USP48: variants seen among roughly 807,000 people sequenced by gnomAD.
USP48 encodes ubiquitin carboxyl-terminal hydrolase 48.
A neutral mutation model predicts 150.7 loss-of-function variants in USP48; 43 were observed. The ratio of observed to expected loss-of-function variants is 0.29; its 90% CI spans 0.22 to 0.37. The LOEUF (loss-of-function observed/expected upper bound fraction) is 0.37. Among genes scored for constraint, USP48 ranks in the 10% least tolerant of loss-of-function variants. USP48 has a pLI of 1.00. For synonymous variants in USP48, 396 were observed against 425.9 expected, an observed-to-expected ratio of 0.93 and a Z score of 0.86; for missense variants, 813 against 1,249.6, an observed-to-expected ratio of 0.65 and a Z score of 5.27.
intron 1 of USP48, among the ~76,000 whole-genome samples, chr1:21,760,152 G>A (rs2097846550): frequency 6.6e-6 from 1 of 151,904 alleles, no homozygotes; most frequent in Non-Finnish European, 1.5e-5. Flanking sequence ...CCAACTCAAG[G>A]GACTTTATAC....
Position 21,679,359 on chromosome 1 carries a change from C to T in USP48, c.*58G>A. The T allele has an allele frequency of 6.2e-7, 1 of 1,608,204 alleles. No homozygotes were observed. The highest frequency in any genetic ancestry group is 8.5e-7 in the Non-Finnish European group (1 of 1,174,606). On this transcript the variant is annotated 3_prime_UTR_variant, in exon 27 of 27. Transcript: ENST00000308271. Reference sequence around the variant, plus strand: ...ATCCACCTTTGCTTTAATGCCCTAACATGTCAAACTCCTCTTCCCCTCTGG... The same window carrying T: ...ATCCACCTTTGCTTTAATGCCCTAATATGTCAAACTCCTCTTCCCCTCTGG...
intron 6 of USP48, among the ~76,000 whole-genome samples, chr1:21,749,840 T>C (rs192321258): frequency 2.0e-5 from 3 of 152,296 alleles, no homozygotes; most frequent in Admixed American, 6.5e-5. Context: ...TGTTCTCAAA[T>C]GATCCTACTG....
chr1:21,708,290 G>A (rs2097679000), intron 15 of USP48, among the ~76,000 whole-genome samples: 1 of 152,192 alleles, frequency 6.6e-6, no homozygotes, highest in Admixed American at 6.5e-5. Context: ...CACGAGGTCA[G>A]GAGTTTGAAA....
At chr1:21,729,281 CA>C (rs57704127) in intron 10 of USP48, among the ~76,000 whole-genome samples, 235 of 90,352 alleles carry the variant, frequency 2.6e-3, no homozygotes, top group African/African-American at 2.5e-3. Flanking sequence ...GACTCCGCCT[CA>C]AAAAAAAAAA....
chr1:21,760,479 G>A (rs986972550), intron 1 of USP48, among the ~76,000 whole-genome samples: 3 of 152,052 alleles, frequency 2.0e-5, no homozygotes, highest in African/African-American at 7.2e-5. Context: ...ATTTTGGGAG[G>A]CCCAGGTGGG....
rs577692619 is a variant in USP48, at chr1:21,683,152, T to G, written c.3059-2318A>C. ...GTTGCATGCCTATAGTCCCAGCTAC[T>G]ACTCAGGAGGCTGAGCCAGGAGAAT... is the stretch of plus-strand genomic sequence containing the variant. On this transcript the variant is annotated intron_variant, in intron 25 of 26. Coordinates refer to ENST00000308271, the MANE Select transcript of USP48 (RefSeq NM_032236.8). Among the ~76,000 whole-genome samples the G allele has an allele frequency of 2.6e-5, 4 of 152,212 alleles. No individual in the cohort carries two copies. In the East Asian group the frequency reaches 7.7e-4, roughly 29 times the overall value.
At chr1:21,757,557 C>G in intron 2 of USP48, 106 bp downstream of exon 2, 4 of 1,278,324 alleles carry the variant, frequency 3.1e-6, no homozygotes, top group Non-Finnish European at 4.2e-6. Flanking sequence ...TAAAGCTGCA[C>G]AGGTTACCTG....
chr1:21,769,129 A>G (rs1233564318), intron 1 of USP48, among the ~76,000 whole-genome samples: 4 of 152,206 alleles, frequency 2.6e-5, no homozygotes, highest in Admixed American at 2.0e-4. Flanking sequence ...CTACTTTGCT[A>G]AAGTCATAGA....
At chr1:21,738,598 T>C (rs1452592198) in intron 8 of USP48, among the ~76,000 whole-genome samples, 1 of 151,474 alleles carries the variant, frequency 6.6e-6, no homozygotes, top group East Asian at 1.9e-4. Flanking sequence ...CCTCAAGTGG[T>C]CCATCTGCCT....
chr1:21,740,359 G>T (rs1387919968), intron 8 of USP48, among the ~76,000 whole-genome samples: 3 of 152,152 alleles, frequency 2.0e-5, no homozygotes, highest in African/African-American at 7.2e-5. Flanking sequence ...TTTGAAACTA[G>T]AATTCTTTGG....
At chr1:21,750,580 A>G (rs2097808231) in intron 6 of USP48, among the ~76,000 whole-genome samples, 1 of 152,138 alleles carries the variant, frequency 6.6e-6, no homozygotes, top group African/African-American at 2.4e-5. Flanking sequence ...AGCATTCAAT[A>G]AATATTCATT....
rs1203231863 is a variant in USP48, at chr1:21,753,118, A to G, written c.414T>C (p.Asp138=). ...MLGDGIQEEK[D]YEPQTICEHL... ...GCTCACAAATTGTTTGAGGCTCATA[A>G]TCTATTAAAACAAAAATATAGATTT... Residue 138 remains aspartate (D), a splice_region_variant and synonymous_variant, in exon 4 of 27, where the codon GAT becomes GAC. Coordinates refer to ENST00000308271, the MANE Select transcript of USP48 (RefSeq NM_032236.8). 6 of 1,594,252 alleles carry G rather than the reference A, an allele frequency of 3.8e-6. No individual in the cohort carries two copies. Among genetic ancestry groups the G allele is most frequent in the Non-Finnish European group, 5.1e-6 (6 of 1,175,186 alleles).
intron 1 of USP48, among the ~76,000 whole-genome samples, chr1:21,770,380 A>C (rs1212855180): frequency 6.6e-6 from 1 of 152,094 alleles, no homozygotes; most frequent in Non-Finnish European, 1.5e-5. Flanking sequence ...GTAGTAGAAA[A>C]ATGGAAGATA....
At chr1:21,691,577 G>A (rs1340087911) in intron 23 of USP48, among the ~76,000 whole-genome samples, 1 of 152,216 alleles carries the variant, frequency 6.6e-6, no homozygotes, top group African/African-American at 2.4e-5. Flanking sequence ...AGAAGTTGCA[G>A]TAAGCCGAGA....
chr1:21,744,360 T>C (rs891123437), intron 8 of USP48, among the ~76,000 whole-genome samples: 11 of 151,620 alleles, frequency 7.3e-5, no homozygotes, highest in South Asian at 4.2e-4. Context: ...GCAGAGAGAA[T>C]TGCTTGAACC....
chr1:21,752,971 A>G, intron 4 of USP48, 21 bp downstream of exon 4: 4 of 1,576,822 alleles, frequency 2.5e-6, no homozygotes, highest in Non-Finnish European at 3.4e-6. Context: ...ATTTAAAAAA[A>G]AAAAAAAATT....
rs1276884440 is a variant in USP48 at position 21,687,226 on chromosome 1, A to G, written c.3023T>C (p.Ile1008Thr). ...SVILLKADEP[I>T]ADYAAMDDVM... ...ATCATCCATTGCAGCATAATCTGCA[A>G]TTGGTTCATCAGCCTAGAAAACAAA... The change falls in exon 25 of 27, where the codon ATT becomes ACT. Residue 1008 changes from isoleucine to threonine, a missense_variant. Physicochemically the swap from Ile to Thr is moderately conservative, Grantham distance 89. Transcript: ENST00000308271. 1.2e-6 allele frequency: 2 copies of G among 1,612,914 alleles called. No individual in the cohort carries two copies. The highest frequency in any genetic ancestry group is 1.7e-5 in the Admixed American group (1 of 59,950).
At chr1:21,719,508 G>A (rs547691209) in intron 14 of USP48, among the ~76,000 whole-genome samples, 50 of 152,302 alleles carry the variant, frequency 3.3e-4, no homozygotes, top group African/African-American at 1.1e-3. Flanking sequence ...CCAGCACTTT[G>A]GGAAGCCAAG....
At chr1:21,720,567 G>A (rs1214838492) in intron 14 of USP48, among the ~76,000 whole-genome samples, 2 of 150,678 alleles carry the variant, frequency 1.3e-5, no homozygotes, top group Non-Finnish European at 1.5e-5. Flanking sequence ...TCGCTCTGCC[G>A]CCCAAGCTGC....
Sources: gnomAD v4.1 joint callset for allele counts (sites outside exome capture counted in the v4.1 genomes callset) on GRCh38, gnomAD v4.1.1 for gene constraint, MANE v1.5 for transcripts, NCBI Gene and HGNC (gene_info 2026-07-23, HGNC 2026-07-21) for gene names.